CARM1: variants seen among roughly 807,000 people sequenced by gnomAD.
The protein encoded by CARM1 is histone-arginine methyltransferase CARM1.
In CARM1, 14 loss-of-function variants were observed where a neutral mutation model predicts 72.7. That is an observed-to-expected ratio of 0.19 (90% confidence interval 0.13 to 0.30). The LOEUF (loss-of-function observed/expected upper bound fraction) is 0.30, where lower values mean the gene tolerates loss of function less well. Among genes scored for constraint, CARM1 ranks in the 10% least tolerant of loss-of-function variants. The pLI is 1.00. For synonymous variants in CARM1, 333 were observed against 345.5 expected (o/e 0.96, Z 0.40); for missense variants, 432 against 833.7 (o/e 0.52, Z 5.93).
At chr19:10,899,474 A>G (rs1157540350) in intron 1 of CARM1, among the ~76,000 whole-genome samples, 5 of 152,162 alleles carry the variant, frequency 3.3e-5, no homozygotes, top group Non-Finnish European at 5.9e-5. Flanking sequence ...AGCTGGGAGC[A>G]CTTTATCTTG....
chr19:10,888,913 CTG>C (rs1000255921), intron 1 of CARM1, among the ~76,000 whole-genome samples: 78 of 152,354 alleles, frequency 5.1e-4, no homozygotes, highest in African/African-American at 1.8e-3. Flanking sequence ...ACTGAGCAGA[CTG>C]TCACCCACAG....
At chr19:10,902,799 G>A (rs752284565) in intron 1 of CARM1, among the ~76,000 whole-genome samples, 2 of 151,830 alleles carry the variant, frequency 1.3e-5, no homozygotes, top group Admixed American at 6.6e-5. Flanking sequence ...TAGTAGAGAC[G>A]GGATTTCACC....
chr19:10,882,405 G>C (rs902939701), intron 1 of CARM1, among the ~76,000 whole-genome samples: 24 of 152,140 alleles, frequency 1.6e-4, no homozygotes, highest in African/African-American at 5.3e-4. Context: ...CTTCCTTATT[G>C]GTGGGAGGAT....
chr19:10,885,261 C>T (rs2073932833), intron 1 of CARM1, among the ~76,000 whole-genome samples: 1 of 152,178 alleles, frequency 6.6e-6, no homozygotes, highest in Non-Finnish European at 1.5e-5. Flanking sequence ...GCTCTGTGCC[C>T]CCCCACCCCT....
intron 4 of CARM1, among the ~76,000 whole-genome samples, chr19:10,911,938 A>G (rs1292888446): frequency 2.0e-5 from 3 of 152,102 alleles, no homozygotes; most frequent in Non-Finnish European, 4.4e-5. Context: ...CTCACCCCAG[A>G]CGATCCGGAG....
At chr19:10,911,594 C>T (rs551466243) in intron 4 of CARM1, among the ~76,000 whole-genome samples, 1 of 152,364 alleles carries the variant, frequency 6.6e-6, no homozygotes, top group South Asian at 2.1e-4. Context: ...AAGCTCATGC[C>T]TGTCACCACC....
intron 2 of CARM1, among the ~76,000 whole-genome samples, chr19:10,907,659 C>G (rs996935378): frequency 6.6e-6 from 1 of 152,184 alleles, no homozygotes. Context: ...CTGCTGCCCC[C>G]ACACAGATGC....
At chr19:10,908,193 C>G in intron 3 of CARM1, 48 bp downstream of exon 3, 1 of 1,273,320 alleles carries the variant, frequency 7.9e-7, no homozygotes, top group Non-Finnish European at 1.1e-6. Context: ...CGGCAGCCCC[C>G]CTGCCACTCA....
At chr19:10,895,705 A>G (rs1357281710) in intron 1 of CARM1, among the ~76,000 whole-genome samples, 1 of 152,146 alleles carries the variant, frequency 6.6e-6, no homozygotes, top group African/African-American at 2.4e-5. Flanking sequence ...CCCTGCCCCT[A>G]TCCCGGGGAG....
At chr19:10,872,590 GA>G (rs1309906598) in intron 1 of CARM1, among the ~76,000 whole-genome samples, 1 of 152,112 alleles carries the variant, frequency 6.6e-6, no homozygotes, top group African/African-American at 2.4e-5. Flanking sequence ...GCCGGGCTTC[GA>G]AGTAAGAGCT....
chr19:10,889,481 ATTT>A (rs35291257), intron 1 of CARM1, among the ~76,000 whole-genome samples: 4 of 129,416 alleles, frequency 3.1e-5, no homozygotes, highest in Admixed American at 7.8e-5. Context: ...TGCCCGGCTA[ATTT>A]TTTTTTTTTT....
chr19:10,890,622 G>A (rs563798604), intron 1 of CARM1, among the ~76,000 whole-genome samples: 140 of 149,906 alleles, frequency 9.3e-4, no homozygotes, highest in Non-Finnish European at 1.3e-3. Flanking sequence ...CAGCTACTTT[G>A]TTTTATTTAC....
Position 10,871,923 on chromosome 19 carries a change from G to GT in CARM1, c.220+2dup. The GT allele has an allele frequency of 1.7e-6, 2 of 1,194,224 alleles. No homozygotes were observed. The highest frequency in any genetic ancestry group is 2.1e-6 in the Non-Finnish European group (2 of 962,460). The allele number at this position is 1,194,224 out of a possible 1,614,324, so 74.0% of individuals were successfully genotyped here. On this transcript the variant is annotated splice_donor_variant, in intron 1 of 15. Coordinates refer to ENST00000327064, the MANE Select transcript of CARM1 (RefSeq NM_199141.2). LOFTEE classifies it high-confidence loss of function. This position sits in a 1 kb window ranked among gnomAD's most constrained non-coding sequence, Gnocchi z 5.6. ...TCGGCGGGCATCGCCCTCTACAGCCGTGAGTACGGGGCCCCGGGGCAGGCG... is the reference window on the plus strand; with the variant it reads ...TCGGCGGGCATCGCCCTCTACAGCCGTTGAGTACGGGGCCCCGGGGCAGGCG...
Position 10,908,032 on chromosome 19 carries a change from G to C in CARM1, c.347-7G>C. The C allele has an allele frequency of 6.2e-7, 1 of 1,609,154 alleles. No individual in the cohort carries two copies. Among genetic ancestry groups the C allele is most frequent in the Non-Finnish European group, 8.5e-7 (1 of 1,175,648 alleles). ...CGCCCCCCGGTGACTTGGCTTCCCT[G>C]TTCCAGATTTCTGTTCCTTCTACAA... On this transcript the variant is annotated splice_region_variant and splice_polypyrimidine_tract_variant and intron_variant, in intron 2 of 15. Transcript: ENST00000327064.
At position 10,916,714 on chromosome 19, in the gene CARM1, T is replaced by C. The variant is rs748700637; in HGVS notation, c.957T>C (p.His319=). Residue 319 remains histidine, a synonymous_variant, in exon 8 of 16, where the codon CAT becomes CAC. Coordinates refer to ENST00000327064, the MANE Select transcript of CARM1 (RefSeq NM_199141.2). The surrounding 1 kb of genome is among the most constrained non-coding windows in gnomAD (Gnocchi z 4.4). The part of the protein sequence containing the change: ...KANFWYQPSF[H]GVDLSALRGA... ...TCCACAGGTACCAGCCATCTTTCCA[T>C]GGAGTGGACCTGTCGGCCCTCCGAG... 2.6e-6 allele frequency: 4 copies of C among 1,564,542 alleles called. No individual in the cohort carries two copies. The highest frequency in any genetic ancestry group is 1.9e-5 in the Admixed American group (1 of 52,646).
At position 10,917,131 on chromosome 19, in the gene CARM1, T is replaced by C. The variant is rs562524287; in HGVS notation, c.1020+354T>C. Among the ~76,000 whole-genome samples, 34 of 152,164 alleles carry C rather than the reference T, an allele frequency of 2.2e-4. No individual in the cohort carries two copies. In the South Asian group the frequency reaches 3.3e-3, roughly 15 times the overall value. On this transcript the variant is annotated intron_variant, in intron 8 of 15. Transcript: ENST00000327064. ...GATGAATTTATCCTTGGTGAGCTGA[T>C]GTGATTTATTGATTGATTTTACTTG...
chr19:10,898,407 A>G (rs1276563640), intron 1 of CARM1, among the ~76,000 whole-genome samples: 1 of 152,098 alleles, frequency 6.6e-6, no homozygotes, highest in African/African-American at 2.4e-5. Context: ...CTTGCCTGCT[A>G]GCCCTGCAGC....
intron 5 of CARM1, among the ~76,000 whole-genome samples, chr19:10,913,116 T>C (rs537921635): frequency 1.1e-4 from 16 of 151,238 alleles, no homozygotes; most frequent in Non-Finnish European, 2.2e-4. Context: ...TGAACTCTCT[T>C]TTTTTTTGGG....
In CARM1 at chr19:10,916,873, C is replaced by T; in HGVS notation, c.1020+96C>T. 1 of 892,820 alleles carries T rather than the reference C, an allele frequency of 1.1e-6. No homozygotes were observed. The highest frequency in any genetic ancestry group is 1.7e-6 in the Non-Finnish European group (1 of 572,372). The allele number at this position is 892,820 out of a possible 1,614,324, so 55.3% of individuals were successfully genotyped here. On this transcript the variant is annotated intron_variant, in intron 8 of 15. Coordinates refer to ENST00000327064, the MANE Select transcript of CARM1 (RefSeq NM_199141.2). The surrounding 1 kb of genome is among the most constrained non-coding windows in gnomAD (Gnocchi z 4.4). The stretch of plus-strand genomic sequence containing the variant: ...AAGCTACAGCCCCTCTCTGAGCCCT[C>T]TCCTCTGCCCTGCACAGCGCTCTCA...
Sources: allele counts gnomAD v4.1 joint callset (sites outside exome capture counted in the v4.1 genomes callset), GRCh38; gene constraint gnomAD v4.1.1; non-coding constraint Gnocchi (gnomAD v3.1); transcripts MANE v1.5; gene names NCBI Gene and HGNC (gene_info 2026-07-23, HGNC 2026-07-21).